The following ASTN1 variants were observed in gnomAD, a reference collection of about 807,000 sequenced individuals.
ASTN1 encodes the protein astrotactin-1.
A neutral mutation model predicts 140.7 loss-of-function variants in ASTN1; 41 were observed. The observed-to-expected ratio is 0.29, with a 90% CI of 0.23 to 0.38. The LOEUF is 0.38. Among genes scored for constraint, ASTN1 ranks in the 10% least tolerant of loss-of-function variants. The pLI, the probability that ASTN1 is intolerant of heterozygous loss-of-function variation, is 1.00. For missense variants in ASTN1, 1,479 were observed against 1,678.8 expected (o/e 0.88, Z 2.08); for synonymous variants, 640 against 652.2 (o/e 0.98, Z 0.29).
chr1:177,039,939 C>T (rs1281725621), intron 2 of ASTN1, among the ~76,000 whole-genome samples: 2 of 152,186 alleles, frequency 1.3e-5, no homozygotes, highest in African/African-American at 4.8e-5. Context: ...TCCTCACAAG[C>T]AGATCCGCTC....
chr1:177,024,544 T>C (rs771412852), intron 6 of ASTN1, 39 bp downstream of exon 6: 8 of 1,602,552 alleles, frequency 5.0e-6, no homozygotes, highest in Admixed American at 3.3e-5. Context: ...ACTTTCCTTT[T>C]TGGGGGGCAA....
At chr1:177,113,291 C>G (rs915100925) in intron 1 of ASTN1, among the ~76,000 whole-genome samples, 1 of 152,148 alleles carries the variant, frequency 6.6e-6, no homozygotes, top group African/African-American at 2.4e-5. Flanking sequence ...AGCCCACTGT[C>G]CCCCCAACCC....
chr1:177,077,409 A>C (rs753871807), intron 1 of ASTN1, among the ~76,000 whole-genome samples: 55 of 152,300 alleles, frequency 3.6e-4, no homozygotes, highest in Non-Finnish European at 4.6e-4. Flanking sequence ...GAGTCAGACA[A>C]ACCTGGCTTG....
chr1:177,062,608 A>G (rs1678155367), intron 1 of ASTN1, among the ~76,000 whole-genome samples: 1 of 151,858 alleles, frequency 6.6e-6, no homozygotes, highest in Admixed American at 6.6e-5. Context: ...TGGCCAAAAA[A>G]TAATAATAAT....
intron 14 of ASTN1, among the ~76,000 whole-genome samples, chr1:176,937,641 C>T (rs1671506921): frequency 6.6e-6 from 1 of 152,058 alleles, no homozygotes; most frequent in African/African-American, 2.4e-5. Context: ...AGCTTTATTT[C>T]TATGCTTAAT....
intron 16 of ASTN1, among the ~76,000 whole-genome samples, chr1:176,924,213 G>A (rs1413479643): frequency 6.6e-6 from 1 of 152,078 alleles, no homozygotes; most frequent in Non-Finnish European, 1.5e-5. Context: ...AGTCATGTTG[G>A]TTATCATTCT....
chr1:177,131,017 A>C (rs1681913189), intron 1 of ASTN1, among the ~76,000 whole-genome samples: 1 of 152,178 alleles, frequency 6.6e-6, no homozygotes, highest in Non-Finnish European at 1.5e-5. Flanking sequence ...AAATCCTATT[A>C]AAAAGCACCT....
At chr1:176,972,568 A>G (rs1673184062) in intron 8 of ASTN1, among the ~76,000 whole-genome samples, 1 of 152,096 alleles carries the variant, frequency 6.6e-6, no homozygotes, top group Non-Finnish European at 1.5e-5. Flanking sequence ...GTGCAATTAT[A>G]GTTCACTGTA....
chr1:177,162,707 T>A (rs1361218808), intron 1 of ASTN1, among the ~76,000 whole-genome samples: 1 of 152,162 alleles, frequency 6.6e-6, no homozygotes, highest in Non-Finnish European at 1.5e-5. Flanking sequence ...ACAGCCTCTT[T>A]AGAAACACAT....
At chr1:177,066,994 T>C (rs1307253244) in intron 1 of ASTN1, among the ~76,000 whole-genome samples, 1 of 152,106 alleles carries the variant, frequency 6.6e-6, no homozygotes, top group Non-Finnish European at 1.5e-5. Context: ...AAGGTTGAGG[T>C]TGACACTCCC....
intron 1 of ASTN1, among the ~76,000 whole-genome samples, chr1:177,068,495 A>C (rs1356010388): frequency 6.6e-6 from 1 of 152,206 alleles, no homozygotes; most frequent in Non-Finnish European, 1.5e-5. Context: ...AGAGCCTCAT[A>C]GCATGAGTGA....
At chr1:176,905,328 A>G (rs1669938920) in intron 16 of ASTN1, among the ~76,000 whole-genome samples, 1 of 152,192 alleles carries the variant, frequency 6.6e-6, no homozygotes, top group Admixed American at 6.5e-5. Context: ...GGAAAATTCA[A>G]TGCCTTGCTG....
intron 2 of ASTN1, among the ~76,000 whole-genome samples, chr1:177,056,610 G>T (rs1033049382): frequency 6.7e-6 from 1 of 149,996 alleles, no homozygotes; most frequent in African/African-American, 2.5e-5. Context: ...AAGAATTTTA[G>T]AAAGGCTACT....
chr1:177,031,093 G>T, intron 3 of ASTN1, 141 bp from the exon 4 acceptor site: 1 of 924,728 alleles, frequency 1.1e-6, no homozygotes, highest in Non-Finnish European at 1.6e-6. Flanking sequence ...CTGGCTGCAA[G>T]AAACTGAAAT....
chr1:177,036,113 C>T (rs1476669327), intron 2 of ASTN1, among the ~76,000 whole-genome samples: 1 of 138,520 alleles, frequency 7.2e-6, no homozygotes, highest in Admixed American at 7.7e-5. Context: ...TGCAATGGCA[C>T]GATCTTGGCT....
At chr1:177,134,030 C>T (rs919531229) in intron 1 of ASTN1, among the ~76,000 whole-genome samples, 27 of 152,168 alleles carry the variant, frequency 1.8e-4, no homozygotes, top group South Asian at 4.1e-4. Context: ...AAGCATTTAT[C>T]GATTGCAAAT....
intron 2 of ASTN1, among the ~76,000 whole-genome samples, chr1:177,048,664 G>A (rs777907906): frequency 6.6e-6 from 1 of 152,160 alleles, no homozygotes; most frequent in South Asian, 2.1e-4. Context: ...CAAAGCTGGA[G>A]GCTGAAGGCT....
chr1:176,948,189 T>C (rs971795716), intron 12 of ASTN1, among the ~76,000 whole-genome samples: 2 of 152,162 alleles, frequency 1.3e-5, no homozygotes, highest in African/African-American at 2.4e-5. Flanking sequence ...TGTGAGATCC[T>C]TGAGGGCAAG....
chr1:177,082,218 G>A (rs1364897386), intron 1 of ASTN1, among the ~76,000 whole-genome samples: 1 of 152,272 alleles, frequency 6.6e-6, no homozygotes, highest in African/African-American at 2.4e-5. Context: ...GGGGATGGAC[G>A]AATCTACCTA....
Sources: gnomAD v4.1 joint callset for allele counts (sites outside exome capture counted in the v4.1 genomes callset) on GRCh38, gnomAD v4.1.1 for gene constraint, MANE v1.5 for transcripts, NCBI Gene and HGNC (gene_info 2026-07-23, HGNC 2026-07-21) for gene names.